Variants in SEMA6D observed in about 807,000 individuals in gnomAD.
SEMA6D encodes the protein semaphorin-6D.
A neutral mutation model predicts 106.6 loss-of-function variants in SEMA6D; 35 were observed. That is an observed-to-expected ratio of 0.33 (90% CI 0.25 to 0.44). SEMA6D has a LOEUF of 0.44. Ranked by LOEUF, SEMA6D falls within the 20% of genes least tolerant of loss-of-function variation. The pLI, the probability that SEMA6D is intolerant of heterozygous loss-of-function variation, is 1.00. For missense variants in SEMA6D, 1,185 were observed against 1,345.9 expected, an observed-to-expected ratio of 0.88 and a Z score of 1.87; for synonymous variants, 499 against 487.7, an observed-to-expected ratio of 1.02 and a Z score of -0.31.
intron 1 of SEMA6D, among the ~76,000 whole-genome samples, chr15:47,243,035 A>G (rs2033002313): frequency 6.6e-6 from 1 of 152,126 alleles, no homozygotes; most frequent in African/African-American, 2.4e-5. Flanking sequence ...CATCCTGGAA[A>G]CACACACAAT....
At chr15:47,707,463 A>G (rs371265128) in intron 4 of SEMA6D, among the ~76,000 whole-genome samples, 5 of 152,358 alleles carry the variant, frequency 3.3e-5, no homozygotes, top group South Asian at 4.1e-4. Flanking sequence ...AGATACCACT[A>G]AACAGTCAGC....
At chr15:47,499,971 A>T (rs184928119) in intron 3 of SEMA6D, among the ~76,000 whole-genome samples, 1 of 152,108 alleles carries the variant, frequency 6.6e-6, no homozygotes, top group Admixed American at 6.6e-5. Flanking sequence ...AGTTGCTAAC[A>T]CTCTGGCTCT....
At chr15:47,294,506 GC>G (rs1413614592) in intron 1 of SEMA6D, among the ~76,000 whole-genome samples, 12 of 152,158 alleles carry the variant, frequency 7.9e-5, no homozygotes, top group African/African-American at 2.9e-4. Context: ...ACAGGTCTGA[GC>G]CACGGTGCCC....
intron 1 of SEMA6D, among the ~76,000 whole-genome samples, chr15:47,249,696 G>T (rs917180164): frequency 1.2e-4 from 18 of 152,186 alleles, no homozygotes; most frequent in African/African-American, 3.6e-4. Context: ...GCATAGAATA[G>T]GTGGTGGCTA....
At chr15:47,584,428 G>GA (rs368275975) in intron 3 of SEMA6D, among the ~76,000 whole-genome samples, 3,364 of 149,930 alleles carry the variant, frequency 0.022, 126 homozygotes, top group African/African-American at 0.077. Flanking sequence ...TGTCTCAGGG[G>GA]AAAAAAAAAA....
chr15:47,279,086 T>C, intron 1 of SEMA6D, among the ~76,000 whole-genome samples: 1 of 15,982 alleles, frequency 6.3e-5, no homozygotes, highest in Non-Finnish European at 1.3e-4. Context: ...AGGATTGACT[T>C]GGCGATGCGC....
At chr15:47,650,700 G>A (rs2077671538) in intron 4 of SEMA6D, among the ~76,000 whole-genome samples, 1 of 152,150 alleles carries the variant, frequency 6.6e-6, no homozygotes, top group Non-Finnish European at 1.5e-5. Flanking sequence ...GGAAAATGCA[G>A]ATTAAAGAGA....
rs373276295 is a variant in SEMA6D at position 47,228,227 on chromosome 15, G to A, written c.-239+43809G>A. ...GATATGTCATACAAGTGATTGAGTC[G>A]TACCAGCAGCCTGGAACCATGCCTG... On this transcript the variant is annotated intron_variant, in intron 1 of 19. Transcript: ENST00000558014. 1.9e-4 allele frequency among the ~76,000 whole-genome samples: 29 copies of A among 150,136 alleles called. No homozygotes were observed. The East Asian group carries it at 3.7e-3, about 19-fold the overall frequency.
chr15:47,397,609 C>A (rs950103123), intron 1 of SEMA6D: 1 of 152,134 alleles, frequency 6.6e-6, no homozygotes, highest in Non-Finnish European at 1.5e-5. Flanking sequence ...TATATGCATG[C>A]TTGTTAGAGG....
chr15:47,343,520 C>T (rs1361551206), intron 1 of SEMA6D, among the ~76,000 whole-genome samples: 1 of 150,092 alleles, frequency 6.7e-6, no homozygotes, highest in Non-Finnish European at 1.5e-5. Flanking sequence ...GGTTTTTTGT[C>T]CTTGCGATAG....
chr15:47,664,536 T>A (rs546645036), intron 4 of SEMA6D, among the ~76,000 whole-genome samples: 19 of 152,348 alleles, frequency 1.2e-4, no homozygotes, highest in African/African-American at 4.6e-4. Context: ...AATGTCACTA[T>A]AATGTGTATC....
chr15:47,401,952 G>A (rs753841458), intron 1 of SEMA6D, among the ~76,000 whole-genome samples: 8 of 152,048 alleles, frequency 5.3e-5, no homozygotes, highest in Non-Finnish European at 8.8e-5. Context: ...ACTTTTGATT[G>A]TTGCCTCCCA....
chr15:47,528,651 C>T (rs181574624), intron 3 of SEMA6D, among the ~76,000 whole-genome samples: 19 of 152,272 alleles, frequency 1.2e-4, no homozygotes, highest in Admixed American at 2.6e-4. Context: ...AAAGGAAAGG[C>T]CCTCCTTTAA....
intron 1 of SEMA6D, among the ~76,000 whole-genome samples, chr15:47,318,373 C>T (rs1243112958): frequency 3.0e-5 from 4 of 132,246 alleles, no homozygotes; most frequent in Admixed American, 7.7e-5. Flanking sequence ...CCCACTAACT[C>T]GTCATCTAGC....
intron 1 of SEMA6D, among the ~76,000 whole-genome samples, chr15:47,192,804 A>G (rs749975014): frequency 2.6e-5 from 4 of 152,208 alleles, no homozygotes; most frequent in South Asian, 2.1e-4. Flanking sequence ...AGACAACTTG[A>G]TGGGAAGATT....
chr15:47,755,513 T>C (rs1391243372), intron 1 of SEMA6D, among the ~76,000 whole-genome samples: 5 of 152,216 alleles, frequency 3.3e-5, no homozygotes, highest in African/African-American at 1.2e-4. Context: ...TGATGTTATC[T>C]TTTTCTAAAG....
Position 47,489,863 on chromosome 15 carries a change from G to A in SEMA6D, c.-87+19318G>A, listed in dbSNP as rs530593477. Among the ~76,000 whole-genome samples the A allele has an allele frequency of 5.9e-5, 9 of 152,082 alleles. No individual in the cohort carries two copies. In the South Asian group the frequency reaches 1.9e-3, roughly 32 times the overall value. On this transcript the variant is annotated intron_variant, in intron 3 of 19. Coordinates refer to the SEMA6D transcript ENST00000558014. ...GATAGGGTTTCATCACGTTGGCCAG[G>A]CTGGTCTCAAACTCCTGACCTCAAG...
At chr15:47,252,734 C>G (rs778747896) in intron 1 of SEMA6D, among the ~76,000 whole-genome samples, 5 of 152,112 alleles carry the variant, frequency 3.3e-5, no homozygotes, top group Non-Finnish European at 7.4e-5. Context: ...ATTTCACACC[C>G]TTTTATAGCT....
At chr15:47,561,660 T>G (rs1409778587) in intron 3 of SEMA6D, among the ~76,000 whole-genome samples, 1 of 151,378 alleles carries the variant, frequency 6.6e-6, no homozygotes, top group Non-Finnish European at 1.5e-5. Flanking sequence ...TTTTTAAGGG[T>G]ATTTTAAATA....
Sources: gnomAD v4.1 joint callset for allele counts (sites outside exome capture counted in the v4.1 genomes callset) on GRCh38, gnomAD v4.1.1 for gene constraint, MANE v1.5 for transcripts, NCBI Gene and HGNC (gene_info 2026-07-23, HGNC 2026-07-21) for gene names.